Variants in ZNG1F observed in about 807,000 individuals in gnomAD.
The protein encoded by ZNG1F is zinc-regulated GTPase metalloprotein activator 1F.
At chr9:41,145,439 T>G in the ZNG1F span, 2 of 388,006 alleles carry the variant, frequency 5.2e-6, no homozygotes, top group Admixed American at 4.8e-5. Flanking sequence ...AACTGACTAT[T>G]CTAATATTCT....
the ZNG1F span, chr9:41,145,474 CG>C: frequency 4.1e-6 from 2 of 484,536 alleles, no homozygotes; most frequent in African/African-American, 4.6e-5. Context: ...ACAAGTTGTT[CG>C]CAAATTCCAA....
the ZNG1F span, among the ~76,000 whole-genome samples, chr9:41,195,533 T>C: frequency 6.2e-3 from 853 of 137,534 alleles, no homozygotes; most frequent in African/African-American, 0.022. Flanking sequence ...CTTTGGTGGT[T>C]AAACCATGCT....
the ZNG1F span, chr9:41,132,134 G>T: frequency 1.3e-6 from 2 of 1,538,718 alleles, 1 homozygote; most frequent in Non-Finnish European, 1.8e-6. Flanking sequence ...TTTAAAAGAG[G>T]ACCTGAATGG....
At chr9:41,203,546 A>AT in the ZNG1F span, among the ~76,000 whole-genome samples, 1 of 143,020 alleles carries the variant, frequency 7.0e-6, no homozygotes, top group East Asian at 2.2e-4. Context: ...AATACACTGA[A>AT]TTTTTTCTCA....
the ZNG1F span, among the ~76,000 whole-genome samples, chr9:41,175,051 T>C: frequency 6.5e-5 from 9 of 137,492 alleles, no homozygotes; most frequent in East Asian, 8.6e-4. Flanking sequence ...AAGGAAAGTA[T>C]TTGATTTTTG....
chr9:41,171,022 TA>T, the ZNG1F span, among the ~76,000 whole-genome samples: 2 of 4,146 alleles, frequency 4.8e-4, no homozygotes, highest in African/African-American at 5.2e-4. Context: ...TCTATCAAAA[TA>T]AAAAAAAAAC....
chr9:41,185,562 A>G, the ZNG1F span, among the ~76,000 whole-genome samples: 1 of 149,170 alleles, frequency 6.7e-6, no homozygotes, highest in Non-Finnish European at 1.5e-5. Flanking sequence ...AGTCCCAGCT[A>G]CTCGGGAGGC....
chr9:41,183,607 C>G, the ZNG1F span: 2 of 1,601,586 alleles, frequency 1.2e-6, no homozygotes, highest in South Asian at 1.1e-5. Context: ...TCCAGCCACT[C>G]TTCATAGAGC....
At chr9:41,146,323 A>G in the ZNG1F span, among the ~76,000 whole-genome samples, 1 of 17,470 alleles carries the variant, frequency 5.7e-5, no homozygotes, top group African/African-American at 1.3e-4. Flanking sequence ...TTAGAAAAAC[A>G]TTTCAAAAAA....
chr9:41,171,605 G>T, the ZNG1F span, among the ~76,000 whole-genome samples: 25 of 13,080 alleles, frequency 1.9e-3, 9 homozygotes, highest in African/African-American at 3.6e-3. Context: ...TACAAAATTA[G>T]CTGGGCATGG....
At chr9:41,201,172 T>C in the ZNG1F span, among the ~76,000 whole-genome samples, 450 of 125,546 alleles carry the variant, frequency 3.6e-3, no homozygotes, top group African/African-American at 8.5e-3. Flanking sequence ...CATAAGTATG[T>C]AGTATGATTC....
At chr9:41,176,610 C>CCCTTCT in the ZNG1F span, 1 of 149,272 alleles carries the variant, frequency 6.7e-6, no homozygotes, top group South Asian at 2.1e-4. Context: ...CACCACTTTT[C>CCCTTCT]CCTTCTCCTT....
chr9:41,139,481 A>G, the ZNG1F span, among the ~76,000 whole-genome samples: 138 of 147,952 alleles, frequency 9.3e-4, 1 homozygote, highest in South Asian at 0.029. Context: ...CACTTTCCAG[A>G]GAGTGTCAGT....
the ZNG1F span, among the ~76,000 whole-genome samples, chr9:41,205,722 T>TTC: frequency 4.8e-5 from 2 of 41,460 alleles, no homozygotes; most frequent in South Asian, 1.2e-3. Flanking sequence ...TGGAATTCTT[T>TTC]TCTCTCTCTC....
At chr9:41,173,954 G>A in the ZNG1F span, among the ~76,000 whole-genome samples, 2 of 148,788 alleles carry the variant, frequency 1.3e-5, no homozygotes, top group African/African-American at 5.0e-5. Flanking sequence ...GGGTGTGGTG[G>A]CTCACGCCTG....
chr9:41,137,880 AC>A, the ZNG1F span, among the ~76,000 whole-genome samples: 1 of 89,964 alleles, frequency 1.1e-5, no homozygotes, highest in African/African-American at 5.0e-5. Flanking sequence ...GTTAGATGAG[AC>A]TCTTGAAGGC....
At chr9:41,138,120 G>C in the ZNG1F span, among the ~76,000 whole-genome samples, 1 of 139,666 alleles carries the variant, frequency 7.2e-6, no homozygotes, top group East Asian at 2.1e-4. Flanking sequence ...GTTCTGTTTT[G>C]ATATGTTTCC....
At chr9:41,155,158 GA>G in the ZNG1F span, among the ~76,000 whole-genome samples, 3 of 151,464 alleles carry the variant, frequency 2.0e-5, no homozygotes, top group South Asian at 6.3e-4. Context: ...AAATTTACAA[GA>G]AAAAAGCAAA....
the ZNG1F span, among the ~76,000 whole-genome samples, chr9:41,152,572 C>G: frequency 1.3e-4 from 19 of 143,222 alleles, no homozygotes; most frequent in African/African-American, 4.4e-4. Context: ...CCACACCACA[C>G]CTATTCCAAA....
Sources: allele counts gnomAD v4.1 joint callset (sites outside exome capture counted in the v4.1 genomes callset), GRCh38; gene constraint gnomAD v4.1.1; transcripts MANE v1.5; gene names NCBI Gene and HGNC (gene_info 2026-07-23, HGNC 2026-07-21).